The following MYO15A variants were observed in gnomAD, a reference collection of about 807,000 sequenced individuals.
MYO15A encodes the protein unconventional myosin-XV.
A neutral mutation model predicts 394.6 loss-of-function variants in MYO15A; 308 were observed. The observed-to-expected ratio is 0.78, with a 90% CI of 0.71 to 0.86. MYO15A has a LOEUF of 0.86. Among genes scored for constraint, MYO15A ranks in the 40% least tolerant of loss-of-function variants. The pLI is 0.00. For missense variants in MYO15A, 4,606 were observed against 4,799.1 expected (o/e 0.96, Z 1.19); for synonymous variants, 1,957 against 2,003.8 (o/e 0.98, Z 0.62).
intron 62 of MYO15A, among the ~76,000 whole-genome samples, chr17:18,168,856 C>A (rs1443895792): frequency 6.6e-6 from 1 of 151,750 alleles, no homozygotes; most frequent in Non-Finnish European, 1.5e-5. Context: ...AATCCCAGTA[C>A]TTTGGGAGGC....
rs147131723 is a variant in MYO15A, at chr17:18,147,162, A to G, written c.6510-867A>G. Among the ~76,000 whole-genome samples, 11 of 152,316 alleles carry G rather than the reference A, an allele frequency of 7.2e-5. No homozygotes were observed. Among genetic ancestry groups the G allele is most frequent in the African/African-American group, 2.6e-4 (11 of 41,570 alleles). ...TGATACTTACCTGCTGTGTGGCCTG[A>G]GACAAGTCACTGTCCCTCTCTGAAC... On this transcript the variant is annotated intron_variant, in intron 30 of 65. Coordinates refer to ENST00000647165, the MANE Select transcript of MYO15A (RefSeq NM_016239.4). The surrounding 1 kb of genome is among the most constrained non-coding windows in gnomAD (Gnocchi z 4.4).
rs545888108 is a variant in MYO15A, at chr17:18,141,297, G to A, written c.5531+154G>A. Among the ~76,000 whole-genome samples, 3 of 152,334 alleles carry A rather than the reference G, an allele frequency of 2.0e-5. No homozygotes were observed. In the South Asian group the frequency reaches 6.2e-4, roughly 32 times the overall value. ...CTACCACATGCTAACTGTTAATGTG[G>A]TAGATACATTTATTGTTTTGCCTTT... On this transcript the variant is annotated intron_variant, in intron 22 of 65. Coordinates refer to ENST00000647165, the MANE Select transcript of MYO15A (RefSeq NM_016239.4).
At chr17:18,159,813 G>T (rs1357840006) in intron 55 of MYO15A, 122 bp from the exon 56 acceptor site, 2 of 1,447,376 alleles carry the variant, frequency 1.4e-6, no homozygotes, top group Non-Finnish European at 1.9e-6. Flanking sequence ...CATGCTGGTG[G>T]GGAGGGGGCT....
rs1261000745 is a variant in MYO15A at position 18,140,511 on chromosome 17, G to T, written c.5212-6G>T. On this transcript the variant is annotated splice_region_variant and splice_polypyrimidine_tract_variant and intron_variant, in intron 19 of 65. Coordinates refer to ENST00000647165, the MANE Select transcript of MYO15A (RefSeq NM_016239.4). Reference sequence around the variant, plus strand: ...GTCTGTTTTCCCTGCCCCGACCCCTGCCCAGGTGGTGGCACACCTCTTCTC... The same window carrying T: ...GTCTGTTTTCCCTGCCCCGACCCCTTCCCAGGTGGTGGCACACCTCTTCTC... The T allele has an allele frequency of 2.1e-5, 34 of 1,613,304 alleles. No individual in the cohort carries two copies. The highest frequency in any genetic ancestry group is 2.9e-5 in the Non-Finnish European group (34 of 1,180,018).
At chr17:18,144,090 G>A (rs2046434224) in intron 28 of MYO15A, 90 bp downstream of exon 28, 3 of 1,580,884 alleles carry the variant, frequency 1.9e-6, no homozygotes, top group Non-Finnish European at 2.6e-6. Flanking sequence ...CAGGCTCCTG[G>A]CTGTGCCCTG....
chr17:18,136,583 T>C lies in MYO15A; in HGVS notation c.4676T>C (p.Leu1559Ser), dbSNP rs1391365421. Residue 1559 changes from leucine to serine, a missense_variant, in exon 15 of 66, where the codon TTG becomes TCG. By Grantham distance (145) the Leu-to-Ser change is moderately radical. Around this residue, in one of 2 missense-constraint regions of MYO15A, gnomAD observed 2,776 missense variants for 3,109.3 expected, o/e 0.89. Coordinates refer to ENST00000647165, the MANE Select transcript of MYO15A (RefSeq NM_016239.4). ...VDARDAIAKVLYALLFSWLIT... is the reference protein window; with the variant it reads ...VDARDAIAKVSYALLFSWLIT... ...TCCAGGGACGCCATCGCCAAGGTCT[T>C]GTATGCACTGCTGTTCAGCTGGCTC... 1.2e-6 allele frequency: 2 copies of C among 1,614,054 alleles called. No homozygotes were observed. Among genetic ancestry groups the C allele is most frequent in the Non-Finnish European group, 1.7e-6 (2 of 1,180,040 alleles).
Position 18,167,798 on chromosome 17 carries a change from A to G in MYO15A, c.10082+75A>G. Reference sequence around the variant, plus strand: ...CTCTCAGCCCACCTCCACCCTCCTCAGAGCTGGCAGTCCCCAGGCCCTCAG... The same window carrying G: ...CTCTCAGCCCACCTCCACCCTCCTCGGAGCTGGCAGTCCCCAGGCCCTCAG... On this transcript the variant is annotated intron_variant, in intron 62 of 65. Coordinates refer to ENST00000647165, the MANE Select transcript of MYO15A (RefSeq NM_016239.4). 5 of 1,586,714 alleles carry G rather than the reference A, an allele frequency of 3.2e-6. No individual in the cohort carries two copies. In the South Asian group the frequency reaches 4.5e-5, roughly 14 times the overall value.
rs1472957803 is a variant in MYO15A at position 18,156,256 on chromosome 17, A to G, written c.8521A>G (p.Ser2841Gly). The G allele has an allele frequency of 1.2e-5, 19 of 1,614,050 alleles. No homozygotes were observed. The Admixed American group carries it at 3.2e-4, about 27-fold the overall frequency. The change falls in exon 48 of 66, where the codon AGT (serine) becomes GGT (glycine). Residue 2841 changes from serine (S) to glycine (G), a missense_variant. By Grantham distance (56) the Ser-to-Gly change is moderately conservative. Transcript: ENST00000647165. ...SQNMLEFNLA[S>G]EKVILFSARA... ...GAACATGCTGGAGTTCAACCTGGCC[A>G]GTGAGAAGGTCATCCTCTTCTCAGC... is the stretch of plus-strand genomic sequence containing the variant.
chr17:18,118,236 C>T (rs2045819145), intron 1 of MYO15A, among the ~76,000 whole-genome samples: 2 of 152,302 alleles, frequency 1.3e-5, no homozygotes, highest in African/African-American at 4.8e-5. Context: ...CCCCTCCTCC[C>T]TTGCCTAGGA....
Position 18,149,196 on chromosome 17 carries a change from C to T in MYO15A, c.6957-20C>T. 1 of 1,613,724 alleles carries T rather than the reference C, an allele frequency of 6.2e-7. No homozygotes were observed. Among genetic ancestry groups the T allele is most frequent in the Non-Finnish European group, 8.5e-7 (1 of 1,179,788 alleles). On this transcript the variant is annotated intron_variant, in intron 33 of 65. Transcript: ENST00000647165. ...GGATCTCTCTGGGGGTCAGTAGCTC[C>T]ATGTTCCTTTTCTCCACAGGGTGTT...
At chr17:18,174,053 C>A in intron 65 of MYO15A, 132 bp downstream of exon 65, 1 of 1,274,124 alleles carries the variant, frequency 7.8e-7, no homozygotes, top group Non-Finnish European at 1.1e-6. Flanking sequence ...AACCACAGCA[C>A]AGCACGGAAC....
At position 18,117,972 on chromosome 17, in the gene MYO15A, C is replaced by A. The variant is rs1385516673; in HGVS notation, c.-219-610C>A. On this transcript the variant is annotated intron_variant, in intron 1 of 65. Transcript: ENST00000647165. The surrounding 1 kb of genome is among the most constrained non-coding windows in gnomAD (Gnocchi z 4.1). ...GAGGCCCAGAGAGGACAAGGACTTT[C>A]CTGGACCCACACAGCCAGTCAGTGA... is the stretch of plus-strand genomic sequence containing the variant. Among the ~76,000 whole-genome samples the A allele has an allele frequency of 6.6e-6, 1 of 152,164 alleles. No homozygotes were observed. The highest frequency in any genetic ancestry group is 1.5e-5 in the Non-Finnish European group (1 of 68,036).
chr17:18,156,474 T>C (rs144746007), intron 48 of MYO15A, 138 bp downstream of exon 48: 790 of 1,027,718 alleles, frequency 7.7e-4, no homozygotes, highest in Non-Finnish European at 1.1e-3. Flanking sequence ...GCCTTCCACT[T>C]GGAATACCCT....
chr17:18,178,882 G>T lies in MYO15A; in HGVS notation c.*12G>T. 6.2e-7 allele frequency: 1 copy of T among 1,610,992 alleles called. No individual in the cohort carries two copies. ...TCACCCTGCTCTGACCCAGCCCCCA[G>T]CCCTCCAGTACCTTCTGCCAGAAGA... On this transcript the variant is annotated 3_prime_UTR_variant, in exon 66 of 66. Transcript: ENST00000647165.
chr17:18,138,024 G>A (rs776029158), intron 16 of MYO15A, 91 bp from the exon 17 acceptor site: 1 of 1,455,414 alleles, frequency 6.9e-7, no homozygotes, highest in Non-Finnish European at 9.1e-7. Flanking sequence ...GGTGCTGCTG[G>A]CCAGGCTCCT....
In MYO15A at chr17:18,150,318, C is replaced by G; in HGVS notation, c.7213-111C>G. The G allele has an allele frequency of 1.1e-6, 1 of 933,838 alleles. No homozygotes were observed. Among genetic ancestry groups the G allele is most frequent in the South Asian group, 1.4e-5 (1 of 73,818 alleles). The allele number at this position is 933,838 out of a possible 1,614,324, so 57.8% of individuals were successfully genotyped here. On this transcript the variant is annotated intron_variant, in intron 35 of 65. Coordinates refer to ENST00000647165, the MANE Select transcript of MYO15A (RefSeq NM_016239.4). The surrounding 1 kb of genome is among the most constrained non-coding windows in gnomAD (Gnocchi z 4.4). ...CAGCAGACACTGAGCCAGTGGGAGGCTGCCCCCTCCCACGAGAGGGTGGGG... is the reference window on the plus strand; with the variant it reads ...CAGCAGACACTGAGCCAGTGGGAGGGTGCCCCCTCCCACGAGAGGGTGGGG...
At chr17:18,141,910 T>A in intron 23 of MYO15A, 140 bp downstream of exon 23, 1 of 1,192,014 alleles carries the variant, frequency 8.4e-7, no homozygotes, top group Non-Finnish European at 1.2e-6. Context: ...GCTAACTACC[T>A]GATTCACCAG....
chr17:18,131,608 G>A, intron 10 of MYO15A, 77 bp downstream of exon 10: 9 of 1,510,174 alleles, frequency 6.0e-6, no homozygotes, highest in Non-Finnish European at 8.2e-6. Context: ...CCTGGCCCCT[G>A]GTAGGGCTAG....
Position 18,155,216 on chromosome 17 carries a change from C to G in MYO15A, c.8331C>G (p.Phe2777Leu), listed in dbSNP as rs1323189011. 19 of 1,613,806 alleles carry G rather than the reference C, an allele frequency of 1.2e-5. No individual in the cohort carries two copies. The highest frequency in any genetic ancestry group is 1.4e-5 in the Non-Finnish European group (16 of 1,179,948). Residue 2777 changes from phenylalanine to leucine, a missense_variant, in exon 46 of 66, where the codon TTC (phenylalanine) becomes TTG (leucine). Around this residue, in one of 2 missense-constraint regions of MYO15A, gnomAD observed 2,776 missense variants for 3,109.3 expected, o/e 0.89. Coordinates refer to ENST00000647165, the MANE Select transcript of MYO15A (RefSeq NM_016239.4). ...GGGAGGTCTACTTCTCCCGCATCTT[C>G]CCCGCCACGGTGCGAGCCCCTCACT... ...DTWEVYFSRIFPATGSVGTGV... is the reference protein window; with the variant it reads ...DTWEVYFSRILPATGSVGTGV...
Sources: gnomAD v4.1 joint callset for allele counts (sites outside exome capture counted in the v4.1 genomes callset) on GRCh38, gnomAD v4.1.1 for gene constraint, gnomAD v4.1.1 regional missense constraint, Gnocchi (gnomAD v3.1) non-coding constraint, MANE v1.5 for transcripts, NCBI Gene and HGNC (gene_info 2026-07-23, HGNC 2026-07-21) for gene names.